The following PCDHGB1 variants were observed in gnomAD, a reference collection of about 807,000 sequenced individuals.
PCDHGB1 encodes the protein protocadherin gamma-B1.
A neutral mutation model predicts 56.6 loss-of-function variants in PCDHGB1; 34 were observed. The observed-to-expected ratio is 0.60, with a 90% confidence interval of 0.46 to 0.80. PCDHGB1 has a LOEUF of 0.80. PCDHGB1 is among the 30% of genes least tolerant of loss of function. PCDHGB1 has a pLI of 0.00. For synonymous variants in PCDHGB1, 561 were observed against 505.9 expected, an observed-to-expected ratio of 1.11 and a Z score of -1.46; for missense variants, 1,278 against 1,204.6, an observed-to-expected ratio of 1.06 and a Z score of -0.90.
chr5:141,504,496 G>C (rs2099838771), intron 2 of PCDHGB1, among the ~76,000 whole-genome samples: 1 of 152,100 alleles, frequency 6.6e-6, no homozygotes, highest in Non-Finnish European at 1.5e-5. Flanking sequence ...CACCTGCCCA[G>C]TCTGAGTGGA....
chr5:141,420,080 C>T (rs754438863), intron 1 of PCDHGB1: 2 of 1,614,010 alleles, frequency 1.2e-6, no homozygotes, highest in Non-Finnish European at 1.7e-6. Context: ...TGTGGGTCCC[C>T]CCAACTACAG....
intron 1 of PCDHGB1, chr5:141,422,140 C>CG (rs1369033587): frequency 6.3e-7 from 1 of 1,586,656 alleles, no homozygotes; most frequent in Non-Finnish European, 8.5e-7. Context: ...AGTTCAAGTA[C>CG]GGGGGTCTCT....
intron 1 of PCDHGB1, among the ~76,000 whole-genome samples, chr5:141,448,043 G>A (rs1000669754): frequency 3.3e-5 from 5 of 151,870 alleles, no homozygotes; most frequent in African/African-American, 1.2e-4. Context: ...CCAAGATCAT[G>A]CCATTGCTCT....
chr5:141,464,921 G>C (rs1562002597), intron 1 of PCDHGB1, among the ~76,000 whole-genome samples: 6 of 151,106 alleles, frequency 4.0e-5, no homozygotes, highest in Admixed American at 3.3e-4. Flanking sequence ...TTATTTTTTT[G>C]TAGAGATGTG....
At chr5:141,360,531 A>C in intron 1 of PCDHGB1, 2 of 1,613,990 alleles carry the variant, frequency 1.2e-6, no homozygotes, top group Non-Finnish European at 1.7e-6. Flanking sequence ...ATACCCCGCT[A>C]TTCAAACAGA....
At chr5:141,376,453 T>C (rs779136467) in intron 1 of PCDHGB1, 2 of 1,614,048 alleles carry the variant, frequency 1.2e-6, no homozygotes, top group African/African-American at 2.7e-5. Flanking sequence ...AAAGCGAGCC[T>C]CTTCTGATAA....
chr5:141,399,642 G>T lies in PCDHGB1; in HGVS notation c.2409+46973G>T. 1.9e-6 allele frequency: 3 copies of T among 1,613,750 alleles called. 1 individual carries two copies. Among genetic ancestry groups the T allele is most frequent in the Non-Finnish European group, 2.5e-6 (3 of 1,179,856 alleles). ...TGGCCTCTTACGTGTCCATGAGCGC[G>T]CAAAGTGGGGTGGTGTTCGCGCAGC... On this transcript the variant is annotated intron_variant, in intron 1 of 3. Transcript: ENST00000523390.
chr5:141,421,766 C>T, intron 1 of PCDHGB1: 2 of 1,613,868 alleles, frequency 1.2e-6, no homozygotes, highest in South Asian at 1.1e-5. Context: ...AATTACTTTT[C>T]CTTGCAACTG....
intron 2 of PCDHGB1, among the ~76,000 whole-genome samples, chr5:141,501,761 G>C (rs906778888): frequency 2.6e-5 from 4 of 152,090 alleles, no homozygotes; most frequent in African/African-American, 4.8e-5. Flanking sequence ...CTCAGTAAAT[G>C]GTTAAAAAAG....
Position 141,489,341 on chromosome 5 carries a change from CAGT to C in PCDHGB1, c.2410-5465_2410-5463del. The stretch of plus-strand genomic sequence containing the variant: ...TGGGTGTCTGGGCAGCTTCGTTACT[CAGT>C]GGTGGAGGAGTCTGAGCCGGGGACG... On this transcript the variant is annotated intron_variant, in intron 1 of 3. Coordinates refer to ENST00000523390, the MANE Select transcript of PCDHGB1 (RefSeq NM_018922.3). This position sits in a 1 kb window ranked among gnomAD's most constrained non-coding sequence, Gnocchi z 4.5. The C allele has an allele frequency of 6.2e-7, 1 of 1,609,088 alleles. No homozygotes were observed. Among genetic ancestry groups the C allele is most frequent in the Non-Finnish European group, 8.5e-7 (1 of 1,176,770 alleles).
At chr5:141,506,237 T>G (rs558256375) in intron 3 of PCDHGB1, among the ~76,000 whole-genome samples, 1 of 152,014 alleles carries the variant, frequency 6.6e-6, no homozygotes, top group South Asian at 2.1e-4. Flanking sequence ...GATCATGAGG[T>G]CAGGAGTTCG....
rs750036904 is a variant in PCDHGB1, at chr5:141,350,501, T to A, written c.241T>A (p.Leu81Met). ...YFNVSLESGD[L>M]LVNGRIDREK... Reference sequence around the variant, plus strand: ...CAACGTTAGTTTGGAGAGCGGGGATTTGTTAGTGAACGGTAGGATAGATCG... The same window carrying A: ...CAACGTTAGTTTGGAGAGCGGGGATATGTTAGTGAACGGTAGGATAGATCG... Residue 81 changes from leucine to methionine, a missense_variant, in exon 1 of 4, where the codon TTG (leucine) becomes ATG (methionine). Physicochemically the swap from Leu to Met is conservative, Grantham distance 15 (BLOSUM62 2). Coordinates refer to ENST00000523390, the MANE Select transcript of PCDHGB1 (RefSeq NM_018922.3). 7.4e-6 allele frequency: 12 copies of A among 1,614,050 alleles called. No homozygotes were observed. Among genetic ancestry groups the A allele is most frequent in the Non-Finnish European group, 1.0e-5 (12 of 1,179,908 alleles).
chr5:141,372,698 C>G, intron 1 of PCDHGB1: 1 of 1,613,986 alleles, frequency 6.2e-7, no homozygotes, highest in Non-Finnish European at 8.5e-7. Flanking sequence ...TTAAATTTCT[C>G]AATATAAAGG....
Position 141,352,343 on chromosome 5 carries a change from A to G in PCDHGB1, c.2083A>G (p.Ile695Val), listed in dbSNP as rs1758986738. 6.2e-7 allele frequency: 1 copy of G among 1,613,780 alleles called. No homozygotes were observed. The highest frequency in any genetic ancestry group is 8.5e-7 in the Non-Finnish European group (1 of 1,179,870). The change falls in exon 1 of 4, where the codon ATC (isoleucine) becomes GTC (valine). Residue 695 changes from isoleucine (I) to valine (V), a missense_variant. Coordinates refer to ENST00000523390, the MANE Select transcript of PCDHGB1 (RefSeq NM_018922.3). ...QFYLVVALAL[I>V]SVLFLLAVIL... ...TTACCTGGTTGTGGCCTTGGCCTTGATCTCAGTGCTCTTTCTCCTCGCGGT... is the reference window on the plus strand; with the variant it reads ...TTACCTGGTTGTGGCCTTGGCCTTGGTCTCAGTGCTCTTTCTCCTCGCGGT...
In PCDHGB1 at chr5:141,489,610, C is replaced by A; in HGVS notation, c.2410-5197C>A. 6.2e-7 allele frequency: 1 copy of A among 1,614,090 alleles called. No individual in the cohort carries two copies. Among genetic ancestry groups the A allele is most frequent in the Non-Finnish European group, 8.5e-7 (1 of 1,179,990 alleles). ...GCTAATCCGTGTAGAGGTAGAGATCCTGGATCTCAATGACAACTCTCCTAG... is the reference window on the plus strand; with the variant it reads ...GCTAATCCGTGTAGAGGTAGAGATCATGGATCTCAATGACAACTCTCCTAG... On this transcript the variant is annotated intron_variant, in intron 1 of 3. Transcript: ENST00000523390. The surrounding 1 kb of genome is among the most constrained non-coding windows in gnomAD (Gnocchi z 4.5).
intron 1 of PCDHGB1, among the ~76,000 whole-genome samples, chr5:141,458,227 G>T (rs2154566190): frequency 6.6e-6 from 1 of 152,284 alleles, no homozygotes; most frequent in South Asian, 2.1e-4. Context: ...TCCTTTCCCA[G>T]TCCATGCACC....
At chr5:141,420,334 T>A in intron 1 of PCDHGB1, 1 of 1,402,910 alleles carries the variant, frequency 7.1e-7, no homozygotes, top group Non-Finnish European at 9.5e-7. Context: ...TATATTCCAA[T>A]ATAGTGGTAT....
At position 141,432,579 on chromosome 5, in the gene PCDHGB1, G is replaced by T; in HGVS notation, c.2410-62228G>T. On this transcript the variant is annotated intron_variant, in intron 1 of 3. Coordinates refer to ENST00000523390, the MANE Select transcript of PCDHGB1 (RefSeq NM_018922.3). This position sits in a 1 kb window ranked among gnomAD's most constrained non-coding sequence, Gnocchi z 6.0. ...GGCCAGAACGCCTGGCTGTCCTACC[G>T]TCTGCTCAAGGCCAGCGAGCCGGGA... is the stretch of plus-strand genomic sequence containing the variant. 1 of 1,613,860 alleles carries T rather than the reference G, an allele frequency of 6.2e-7. No homozygotes were observed. Among genetic ancestry groups the T allele is most frequent in the Non-Finnish European group, 8.5e-7 (1 of 1,179,984 alleles).
At chr5:141,422,044 G>C in intron 1 of PCDHGB1, 1 of 1,611,530 alleles carries the variant, frequency 6.2e-7, no homozygotes, top group Admixed American at 1.7e-5. Flanking sequence ...TCCAGACGAG[G>C]GAATCAACGG....
Sources: allele counts gnomAD v4.1 joint callset (sites outside exome capture counted in the v4.1 genomes callset), GRCh38; gene constraint gnomAD v4.1.1; non-coding constraint Gnocchi (gnomAD v3.1); transcripts MANE v1.5; gene names NCBI Gene and HGNC (gene_info 2026-07-23, HGNC 2026-07-21).